The following FADS3 variants were observed in gnomAD, a reference collection of about 807,000 sequenced individuals.
The protein encoded by FADS3 is fatty acid desaturase 3.
Under a neutral mutation model 60.4 loss-of-function variants are expected in FADS3, and 30 were observed. That is an observed-to-expected ratio of 0.50 (90% confidence interval 0.37 to 0.67). The LOEUF is 0.67. Among genes scored for constraint, FADS3 ranks in the 30% least tolerant of loss-of-function variants. The probability of loss-of-function intolerance (pLI) is 0.00; values close to 1 mark genes in which losing one functional copy is unlikely to be tolerated. For missense variants in FADS3, 432 were observed against 598.3 expected (o/e 0.72, Z 2.90); for synonymous variants, 234 against 249.3 (o/e 0.94, Z 0.58).
intron 1 of FADS3, chr11:61,880,702 G>A (rs985641749): frequency 6.6e-6 from 1 of 152,250 alleles, no homozygotes; most frequent in Non-Finnish European, 1.5e-5. Flanking sequence ...GAAGACACTT[G>A]AACAGTTAAA....
chr11:61,879,505 T>C lies in FADS3; in HGVS notation c.329A>G (p.Gln110Arg). The C allele has an allele frequency of 6.4e-7, 1 of 1,574,736 alleles. No individual in the cohort carries two copies. The highest frequency in any genetic ancestry group is 2.3e-5 in the East Asian group (1 of 42,786). The change falls in exon 3 of 12, where the codon CAG (glutamine) becomes CGG (arginine). Residue 110 changes from glutamine to arginine, a missense_variant. Transcript: ENST00000278829. ...CAGGGCTCGGAAGTCCTCGACCAGC[T>C]GCGCCTGCCATAGCAGAGGGGCCGA... The part of the protein sequence containing the change: ...EPSQDGPLNA[Q>R]LVEDFRALHQ...
intron 3 of FADS3, among the ~76,000 whole-genome samples, 186 bp from the exon 4 acceptor site, chr11:61,879,033 G>T (rs1280476521): frequency 6.6e-6 from 1 of 152,216 alleles, no homozygotes; most frequent in Non-Finnish European, 1.5e-5. Context: ...GGGCTCGTAA[G>T]TGTCATGAAG....
chr11:61,875,439 GC>G (rs1937838629), intron 11 of FADS3, among the ~76,000 whole-genome samples: 1 of 148,320 alleles, frequency 6.7e-6, no homozygotes, highest in South Asian at 2.1e-4. Flanking sequence ...CACCATGTTG[GC>G]CAGGCTGGTC....
chr11:61,887,635 C>A (rs1056853073), intron 1 of FADS3, among the ~76,000 whole-genome samples: 1 of 152,246 alleles, frequency 6.6e-6, no homozygotes, highest in African/African-American at 2.4e-5. Context: ...CACGGTCCCA[C>A]CTCTGAGCCT....
In FADS3 at chr11:61,877,299, CA is replaced by C. The variant is rs1937935750; in HGVS notation, c.885+211del. 8.4e-6 allele frequency: 2 copies of C among 238,962 alleles called. No individual in the cohort carries two copies. Among genetic ancestry groups the C allele is most frequent in the Admixed American group, 5.7e-5 (1 of 17,562 alleles). 14.8% of individuals were successfully genotyped at this position (238,962 alleles called of 1,614,324 possible). A position where few individuals can be genotyped will look rare whatever the true frequency, so the allele number is the denominator to read the frequency against. Reference sequence around the variant, plus strand: ...AGAGACCCACACCCCCCCTGTTCCTCAACCCCCCCCCACCACACGTACAGTC... The same window carrying C: ...AGAGACCCACACCCCCCCTGTTCCTCACCCCCCCCCACCACACGTACAGTC... On this transcript the variant is annotated intron_variant, in intron 7 of 11. Coordinates refer to ENST00000278829, the MANE Select transcript of FADS3 (RefSeq NM_021727.5). The surrounding 1 kb of genome is among the most constrained non-coding windows in gnomAD (Gnocchi z 4.7).
chr11:61,889,523 C>T (rs174458), intron 1 of FADS3, among the ~76,000 whole-genome samples: 82,613 of 151,538 alleles, frequency 0.55, 25,530 homozygotes, highest in Non-Finnish European at 0.69. Context: ...GGCGCGTGCC[C>T]GTAATCCCAG....
At chr11:61,878,278 G>A (rs1295255570) in intron 5 of FADS3, 63 bp from the exon 6 acceptor site, 1 of 1,554,392 alleles carries the variant, frequency 6.4e-7, no homozygotes, top group Non-Finnish European at 8.9e-7. Flanking sequence ...TCCCGGGCAA[G>A]GTCACGGGGC....
At position 61,875,882 on chromosome 11, in the gene FADS3, G is replaced by T. The variant is rs752436035; in HGVS notation, c.1255C>A (p.Pro419Thr). The T allele has an allele frequency of 1.2e-6, 2 of 1,613,700 alleles. No homozygotes were observed. Among genetic ancestry groups the T allele is most frequent in the Non-Finnish European group, 8.5e-7 (1 of 1,179,978 alleles). The change falls in exon 11 of 12, where the codon CCC (proline) becomes ACC (threonine). Residue 419 changes from proline to threonine, a missense_variant. Physicochemically the swap from Pro to Thr is conservative, Grantham distance 38 (BLOSUM62 -1). Around this residue, in one of 5 missense-constraint regions of FADS3, gnomAD observed 63 missense variants for 64.5 expected, o/e 0.98. Coordinates refer to ENST00000278829, the MANE Select transcript of FADS3 (RefSeq NM_021727.5). ...ATGTCCACCAGCGCGGTGAGGAAGGGCTTCACTTCGTAGCTGAGGCCGTGC... is the reference window on the plus strand; with the variant it reads ...ATGTCCACCAGCGCGGTGAGGAAGGTCTTCACTTCGTAGCTGAGGCCGTGC... ...AKHGLSYEVKPFLTALVDIVR... is the reference protein window; with the variant it reads ...AKHGLSYEVKTFLTALVDIVR...
Position 61,877,220 on chromosome 11 carries a change from G to C in FADS3, c.886-257C>G. 1 of 559,032 alleles carries C rather than the reference G, an allele frequency of 1.8e-6. No individual in the cohort carries two copies. Among genetic ancestry groups the C allele is most frequent in the Non-Finnish European group, 3.2e-6 (1 of 311,992 alleles). 34.6% of individuals were successfully genotyped at this position (559,032 alleles called of 1,614,324 possible). A position where few individuals can be genotyped will look rare whatever the true frequency, so the allele number is the denominator to read the frequency against. On this transcript the variant is annotated intron_variant, in intron 7 of 11. Transcript: ENST00000278829. This position sits in a 1 kb window ranked among gnomAD's most constrained non-coding sequence, Gnocchi z 4.7. ...TGGGGAAGACCCTGCCAGGGACACA[G>C]ATGCCTGGCAGAGTCAGCCCAGCAA...
upstream of FADS3, chr11:61,891,575 C>G (rs1425728055): frequency 1.6e-5 from 4 of 250,966 alleles, no homozygotes; most frequent in East Asian, 3.8e-4. Context: ...GCCTTATAAC[C>G]GCGCGGACGG....
chr11:61,875,557 G>A (rs1267632115), intron 11 of FADS3, among the ~76,000 whole-genome samples: 1 of 152,132 alleles, frequency 6.6e-6, no homozygotes, highest in Non-Finnish European at 1.5e-5. Context: ...CTGTTTATGA[G>A]TCCCTGTTAA....
Position 61,891,386 on chromosome 11 carries a change from C to T in FADS3, c.-5G>A. The T allele has an allele frequency of 6.9e-7, 1 of 1,457,538 alleles. No homozygotes were observed. Among genetic ancestry groups the T allele is most frequent in the Non-Finnish European group, 9.0e-7 (1 of 1,109,910 alleles). 90.3% of individuals were successfully genotyped at this position (1,457,538 alleles called of 1,614,324 possible). A position where few individuals can be genotyped will look rare whatever the true frequency, so the allele number is the denominator to read the frequency against. Reference sequence around the variant, plus strand: ...CGGCTCCCCGACGCCGCCCATGCTGCACGCACGAGTCCTGGGGATCCCAGG... The same window carrying T: ...CGGCTCCCCGACGCCGCCCATGCTGTACGCACGAGTCCTGGGGATCCCAGG... On this transcript the variant is annotated 5_prime_UTR_variant, in exon 1 of 12. Transcript: ENST00000278829.
chr11:61,885,400 C>T (rs1051665897), intron 1 of FADS3, among the ~76,000 whole-genome samples: 2 of 152,172 alleles, frequency 1.3e-5, no homozygotes, highest in Non-Finnish European at 2.9e-5. Context: ...AGGATGCAGT[C>T]GGTGGCGCTA....
In FADS3 at chr11:61,876,704, C is replaced by T; in HGVS notation, c.983+162G>A. 1 of 732,386 alleles carries T rather than the reference C, an allele frequency of 1.4e-6. No homozygotes were observed. The highest frequency in any genetic ancestry group is 1.6e-5 in the South Asian group (1 of 62,640). The allele number at this position is 732,386 out of a possible 1,614,324, so 45.4% of individuals were successfully genotyped here. On this transcript the variant is annotated intron_variant, in intron 8 of 11. Transcript: ENST00000278829. The surrounding 1 kb of genome is among the most constrained non-coding windows in gnomAD (Gnocchi z 5.7). Reference sequence around the variant, plus strand: ...AGGCCACGCTCCCTAAACCCACCGACCCTGGGCTCCTGCCACGCTTGTGTT... The same window carrying T: ...AGGCCACGCTCCCTAAACCCACCGATCCTGGGCTCCTGCCACGCTTGTGTT...
Position 61,876,587 on chromosome 11 carries a change from C to T in FADS3, c.984-132G>A, listed in dbSNP as rs1013342831. ...ACAATAGGATTGTGGCCATCGCCCCCTTGCCAGTGTTTAAAGAATCTGAAT... is the reference window on the plus strand; with the variant it reads ...ACAATAGGATTGTGGCCATCGCCCCTTTGCCAGTGTTTAAAGAATCTGAAT... On this transcript the variant is annotated intron_variant, in intron 8 of 11. Coordinates refer to ENST00000278829, the MANE Select transcript of FADS3 (RefSeq NM_021727.5). The surrounding 1 kb of genome is among the most constrained non-coding windows in gnomAD (Gnocchi z 5.7). 1.3e-6 allele frequency: 1 copy of T among 755,588 alleles called. No homozygotes were observed. The highest frequency in any genetic ancestry group is 2.3e-6 in the Non-Finnish European group (1 of 436,654). 46.8% of individuals were successfully genotyped at this position (755,588 alleles called of 1,614,324 possible).
At chr11:61,879,906 G>A in intron 2 of FADS3, 135 bp downstream of exon 2, 1 of 670,582 alleles carries the variant, frequency 1.5e-6, no homozygotes. Flanking sequence ...GGAGGGGAGG[G>A]CAGGCTCAGC....
At chr11:61,875,389 T>G (rs11230820) in intron 11 of FADS3, among the ~76,000 whole-genome samples, 25,720 of 109,286 alleles carry the variant, frequency 0.24, 3,158 homozygotes, top group Middle Eastern at 0.34. Context: ...GTTTTTTTTT[T>G]TTTTTTTTTT....
Position 61,879,348 on chromosome 11 carries a change from G to C in FADS3, c.486C>G (p.Pro162=). ...CCAGGATGAAGGCGGCCAGGGCACT[G>C]GGCACCCAGCCAGGACCCAGGAGGT... ...LIYLLGPGWV[P]SALAAFILAI... The change falls in exon 3 of 12, where the codon CCC becomes CCG. Residue 162 remains proline (P), a synonymous_variant. Coordinates refer to ENST00000278829, the MANE Select transcript of FADS3 (RefSeq NM_021727.5). 1 of 1,558,778 alleles carries C rather than the reference G, an allele frequency of 6.4e-7. No individual in the cohort carries two copies. Among genetic ancestry groups the C allele is most frequent in the South Asian group, 1.2e-5 (1 of 84,534 alleles).
At chr11:61,886,743 C>G (rs956285908) in intron 1 of FADS3, among the ~76,000 whole-genome samples, 1 of 152,250 alleles carries the variant, frequency 6.6e-6, no homozygotes, top group Non-Finnish European at 1.5e-5. Flanking sequence ...GGACTTACCT[C>G]ATAAAGTTGT....
Sources: allele counts gnomAD v4.1 joint callset (sites outside exome capture counted in the v4.1 genomes callset), GRCh38; gene constraint gnomAD v4.1.1; regional missense constraint gnomAD v4.1.1; non-coding constraint Gnocchi (gnomAD v3.1); transcripts MANE v1.5; gene names NCBI Gene and HGNC (gene_info 2026-07-23, HGNC 2026-07-21).